The following SLC35H1 variants were observed in gnomAD, a reference collection of about 807,000 sequenced individuals.
SLC35H1 encodes solute carrier family 35 member H1, also known as ovarian cancer-overexpressed gene 1 protein.
At chr20:46,356,761 CT>C in the SLC35H1 span, 1 of 821,134 alleles carries the variant, frequency 1.2e-6, no homozygotes, top group Non-Finnish European at 2.0e-6. Flanking sequence ...CTGTGGGGCC[CT>C]TGGGCCTTCT....
the SLC35H1 span, chr20:46,350,411 C>T: frequency 6.2e-7 from 1 of 1,612,482 alleles, no homozygotes; most frequent in Non-Finnish European, 8.5e-7. Context: ...TGCCCCTGGG[C>T]CACAAAGTAC....
the SLC35H1 span, chr20:46,358,463 A>G: frequency 6.2e-7 from 1 of 1,614,078 alleles, no homozygotes. Context: ...CAGGGTCAAC[A>G]CCGCCTTCCA....
At chr20:46,358,281 T>TA in the SLC35H1 span, 1 of 1,068,400 alleles carries the variant, frequency 9.4e-7, no homozygotes, top group Non-Finnish European at 1.4e-6. Context: ...GGCTTCCAGT[T>TA]AGACTGGTTG....
chr20:46,362,276 C>T, the SLC35H1 span, among the ~76,000 whole-genome samples: 4 of 152,186 alleles, frequency 2.6e-5, no homozygotes, highest in Non-Finnish European at 5.9e-5. Context: ...AAGGAGTAAA[C>T]AACTCTTTTT....
chr20:46,360,786 G>T, the SLC35H1 span, among the ~76,000 whole-genome samples: 1 of 152,174 alleles, frequency 6.6e-6, no homozygotes, highest in Non-Finnish European at 1.5e-5. Context: ...CCAACCTCAG[G>T]TGATCCGCCC....
the SLC35H1 span, chr20:46,350,583 G>A: frequency 4.5e-6 from 7 of 1,541,574 alleles, no homozygotes; most frequent in Admixed American, 6.1e-5. Flanking sequence ...GGTTTGCTCT[G>A]ATTTGCATGT....
chr20:46,357,328 T>C, the SLC35H1 span, among the ~76,000 whole-genome samples: 1 of 152,046 alleles, frequency 6.6e-6, no homozygotes, highest in East Asian at 1.9e-4. Flanking sequence ...TCACCACTTA[T>C]CTCCAGGCCT....
At chr20:46,353,882 A>G in the SLC35H1 span, among the ~76,000 whole-genome samples, 1 of 152,130 alleles carries the variant, frequency 6.6e-6, no homozygotes, top group Non-Finnish European at 1.5e-5. Flanking sequence ...GGCCCTGAAC[A>G]GAAGTTTCCT....
the SLC35H1 span, chr20:46,355,128 G>A: frequency 6.2e-7 from 1 of 1,614,158 alleles, no homozygotes; most frequent in African/African-American, 1.3e-5. This position sits in a 1 kb window ranked among gnomAD's most constrained non-coding sequence, Gnocchi z 4.8. Flanking sequence ...TGCCACCGAT[G>A]AACGAGGCCC....
the SLC35H1 span, chr20:46,357,521 G>T: frequency 5.1e-6 from 7 of 1,363,770 alleles, no homozygotes; most frequent in East Asian, 1.6e-4. Flanking sequence ...CAGGAAGAGG[G>T]GAGGGACTTG....
chr20:46,356,428 C>T, the SLC35H1 span: 6 of 756,030 alleles, frequency 7.9e-6, no homozygotes, highest in East Asian at 1.4e-4. Context: ...CGGAGAGCTG[C>T]TGGGTGCCAG....
the SLC35H1 span, among the ~76,000 whole-genome samples, chr20:46,362,185 CT>C: frequency 6.6e-6 from 1 of 152,202 alleles, no homozygotes; most frequent in African/African-American, 2.4e-5. Flanking sequence ...TTATCAAGCA[CT>C]CCTGTAGGCC....
chr20:46,354,080 G>A, the SLC35H1 span, among the ~76,000 whole-genome samples: 237 of 152,186 alleles, frequency 1.6e-3, 1 homozygote, highest in Admixed American at 4.1e-3. Context: ...GGAAGGTGGC[G>A]TCACACCTCC....
the SLC35H1 span, among the ~76,000 whole-genome samples, chr20:46,362,173 A>G: frequency 6.4e-4 from 98 of 152,322 alleles, 1 homozygote; most frequent in African/African-American, 2.3e-3. Flanking sequence ...CTTAATGAGC[A>G]TTTATCAAGC....
At chr20:46,353,616 G>A in the SLC35H1 span, among the ~76,000 whole-genome samples, 3 of 152,314 alleles carry the variant, frequency 2.0e-5, no homozygotes, top group Non-Finnish European at 2.9e-5. Context: ...CTGCAAAGGC[G>A]TCGGCAAATT....
chr20:46,357,144 T>G, the SLC35H1 span, among the ~76,000 whole-genome samples: 1 of 152,128 alleles, frequency 6.6e-6, no homozygotes, highest in African/African-American at 2.4e-5. Flanking sequence ...GGGCCCCTCC[T>G]CCCAGGGCCA....
At chr20:46,363,859 C>A in the SLC35H1 span, among the ~76,000 whole-genome samples, 237 of 152,382 alleles carry the variant, frequency 1.6e-3, 1 homozygote, top group Admixed American at 7.6e-3. Flanking sequence ...GTCCCAGCAC[C>A]CGCCACAGCG....
the SLC35H1 span, chr20:46,347,495 T>C: frequency 6.6e-6 from 1 of 152,260 alleles, no homozygotes; most frequent in Admixed American, 6.5e-5. Flanking sequence ...AGTCCGGCAG[T>C]GTCTGCCATG....
chr20:46,355,224 C>G, the SLC35H1 span: 6 of 1,613,666 alleles, frequency 3.7e-6, no homozygotes, highest in African/African-American at 6.7e-5. This position sits in a 1 kb window ranked among gnomAD's most constrained non-coding sequence, Gnocchi z 4.8. Flanking sequence ...GGAGGACCAC[C>G]AGGACCAGTG....
Sources: gnomAD v4.1 joint callset for allele counts (sites outside exome capture counted in the v4.1 genomes callset) on GRCh38, gnomAD v4.1.1 for gene constraint, Gnocchi (gnomAD v3.1) non-coding constraint, MANE v1.5 for transcripts, NCBI Gene and HGNC (gene_info 2026-07-23, HGNC 2026-07-21) for gene names.